ADCY5: variants seen among roughly 807,000 people sequenced by gnomAD.
The protein encoded by ADCY5 is adenylate cyclase type 5.
In ADCY5, 30 loss-of-function variants were observed where a neutral mutation model predicts 119.7. That is an observed-to-expected ratio of 0.25 (90% CI 0.19 to 0.34). The LOEUF is 0.34. Among genes scored for constraint, ADCY5 ranks in the 10% least tolerant of loss-of-function variants. The probability of loss-of-function intolerance (pLI) is 1.00; values close to 1 mark genes in which losing one functional copy is unlikely to be tolerated. For missense variants in ADCY5, 1,324 were observed against 1,775.2 expected, an observed-to-expected ratio of 0.75 and a Z score of 4.57; for synonymous variants, 753 against 762.2, an observed-to-expected ratio of 0.99 and a Z score of 0.20.
chr3:123,320,894 G>A (rs970649455), intron 8 of ADCY5, 123 bp from the exon 9 acceptor site: 6 of 718,690 alleles, frequency 8.3e-6, no homozygotes, highest in African/African-American at 3.6e-5. Flanking sequence ...GACATAGAGA[G>A]GATTGTCATT....
intron 1 of ADCY5, among the ~76,000 whole-genome samples, chr3:123,387,366 A>C (rs1460301723): frequency 6.6e-6 from 1 of 152,182 alleles, no homozygotes; most frequent in Non-Finnish European, 1.5e-5. Context: ...GACCTCTTCT[A>C]CTTTCATAGA....
chr3:123,439,619 G>A (rs1014583678), intron 1 of ADCY5, among the ~76,000 whole-genome samples: 3 of 147,210 alleles, frequency 2.0e-5, no homozygotes, highest in Admixed American at 6.9e-5. Flanking sequence ...TACTATCCAC[G>A]ATTTTAGGCA....
intron 5 of ADCY5, among the ~76,000 whole-genome samples, chr3:123,329,232 CTT>C (rs1941645566): frequency 1.3e-5 from 2 of 152,188 alleles, no homozygotes; most frequent in Non-Finnish European, 2.9e-5. Context: ...TTTGGATTAT[CTT>C]TTTATTGGAT....
At chr3:123,447,090 G>A (rs1041804373) in intron 1 of ADCY5, among the ~76,000 whole-genome samples, 10 of 152,202 alleles carry the variant, frequency 6.6e-5, no homozygotes, top group Admixed American at 5.2e-4. Flanking sequence ...AGGAACAGAA[G>A]CTCAGGAAGA....
intron 1 of ADCY5, among the ~76,000 whole-genome samples, chr3:123,357,900 AG>A (rs1490124638): frequency 4.6e-5 from 7 of 152,318 alleles, no homozygotes; most frequent in East Asian, 1.9e-4. Context: ...GGGACAAGGA[AG>A]GTATGTCCAA....
At chr3:123,430,789 G>A (rs2107646128) in intron 1 of ADCY5, among the ~76,000 whole-genome samples, 1 of 152,262 alleles carries the variant, frequency 6.6e-6, no homozygotes, top group African/African-American at 2.4e-5. Flanking sequence ...CCCACAGCTG[G>A]TGCTTGCCAA....
At chr3:123,299,554 C>A (rs904946309) in intron 15 of ADCY5, among the ~76,000 whole-genome samples, 1 of 152,188 alleles carries the variant, frequency 6.6e-6, no homozygotes, top group African/African-American at 2.4e-5. Flanking sequence ...GACTGTGGGA[C>A]CAGACAGCCA....
At chr3:123,408,021 G>T (rs571428274) in intron 1 of ADCY5, among the ~76,000 whole-genome samples, 17 of 152,026 alleles carry the variant, frequency 1.1e-4, no homozygotes, top group African/African-American at 1.2e-4. Context: ...TTAAAGCGTG[G>T]TTTTTTAGAA....
chr3:123,439,225 G>A (rs1011788606), intron 1 of ADCY5, among the ~76,000 whole-genome samples: 2 of 151,442 alleles, frequency 1.3e-5, no homozygotes, highest in Admixed American at 6.6e-5. Context: ...CCGCCACCAC[G>A]CCTGTATTTT....
At chr3:123,340,736 G>A (rs952066827) in intron 3 of ADCY5, among the ~76,000 whole-genome samples, 1 of 152,146 alleles carries the variant, frequency 6.6e-6, no homozygotes, top group African/African-American at 2.4e-5. Flanking sequence ...AAATGGTGCA[G>A]CCCCTCTGGA....
intron 1 of ADCY5, among the ~76,000 whole-genome samples, chr3:123,436,905 A>C (rs1945628628): frequency 1.3e-5 from 2 of 152,104 alleles, no homozygotes. Flanking sequence ...CTTAGTAAGC[A>C]GCCTCCCCAC....
chr3:123,284,796 T>G, intron 20 of ADCY5, 60 bp from the exon 21 acceptor site: 1 of 1,608,044 alleles, frequency 6.2e-7, no homozygotes, highest in Non-Finnish European at 8.5e-7. Context: ...TGAACTGCTG[T>G]GGGGTAGAGC....
intron 1 of ADCY5, chr3:123,368,144 C>T (rs1272815369): frequency 9.5e-6 from 10 of 1,049,440 alleles, no homozygotes; most frequent in African/African-American, 3.2e-5. Context: ...AGTCATGCAA[C>T]CTACAGGAAT....
intron 1 of ADCY5, among the ~76,000 whole-genome samples, chr3:123,422,846 T>G (rs1302744285): frequency 6.6e-6 from 1 of 152,172 alleles, no homozygotes; most frequent in Non-Finnish European, 1.5e-5. Flanking sequence ...GGGGCAAGCA[T>G]GCCAATTAAT....
intron 3 of ADCY5, among the ~76,000 whole-genome samples, chr3:123,344,098 C>T (rs559507325): frequency 6.6e-6 from 1 of 152,192 alleles, no homozygotes; most frequent in East Asian, 1.9e-4. Context: ...ACAGTGGTGG[C>T]CCCTGCCTGA....
chr3:123,447,966 C>A lies in ADCY5; in HGVS notation c.580G>T (p.Gly194Cys). 6.9e-7 allele frequency: 1 copy of A among 1,457,324 alleles called. No individual in the cohort carries two copies. The highest frequency in any genetic ancestry group is 9.1e-7 in the Non-Finnish European group (1 of 1,104,248). 90.3% of individuals were successfully genotyped at this position (1,457,324 alleles called of 1,614,324 possible). A position where few individuals can be genotyped will look rare whatever the true frequency, so the allele number is the denominator to read the frequency against. The change falls in exon 1 of 21, where the codon GGC becomes TGC. Residue 194 changes from glycine to cysteine, a missense_variant. Transcript: ENST00000462833. The stretch of plus-strand genomic sequence containing the variant: ...ACCGCGCCGGGCCCCGCGCCCGAGC[C>A]CGAGTCCGCCGAGCTGCCGCCATCC... ...SGDGGSSADS[G>C]SGAGPGAVLS...
intron 1 of ADCY5, among the ~76,000 whole-genome samples, chr3:123,403,380 CAAAA>C (rs35626615): frequency 4.4e-5 from 3 of 68,500 alleles, no homozygotes; most frequent in South Asian, 5.4e-4. Context: ...GACCCTGTCT[CAAAA>C]AAAAAAAAAA....
chr3:123,367,220 CA>C (rs1943474859), intron 1 of ADCY5, among the ~76,000 whole-genome samples: 1 of 152,184 alleles, frequency 6.6e-6, no homozygotes, highest in Admixed American at 6.5e-5. Flanking sequence ...GTGGGAATCA[CA>C]CATACAAAGC....
intron 1 of ADCY5, among the ~76,000 whole-genome samples, chr3:123,421,028 C>T (rs561863423): frequency 1.2e-4 from 19 of 152,138 alleles, no homozygotes; most frequent in Non-Finnish European, 2.6e-4. Flanking sequence ...ACACCAGTCA[C>T]ACTGGATTAG....
Sources: allele counts gnomAD v4.1 joint callset (sites outside exome capture counted in the v4.1 genomes callset), GRCh38; gene constraint gnomAD v4.1.1; transcripts MANE v1.5; gene names NCBI Gene and HGNC (gene_info 2026-07-23, HGNC 2026-07-21).